The following ASTN1 variants were observed in gnomAD, a reference collection of about 807,000 sequenced individuals.
ASTN1 encodes the protein astrotactin 1.
Under a neutral mutation model 140.7 loss-of-function variants are expected in ASTN1, and 41 were observed. The ratio of observed to expected loss-of-function variants is 0.29; its 90% confidence interval spans 0.23 to 0.38. The LOEUF (loss-of-function observed/expected upper bound fraction) is 0.38. Among genes scored for constraint, ASTN1 ranks in the 10% least tolerant of loss-of-function variants. ASTN1 has a pLI of 1.00. For missense variants in ASTN1, 1,479 were observed against 1,678.8 expected (o/e 0.88, Z 2.08); for synonymous variants, 640 against 652.2 (o/e 0.98, Z 0.29).
intron 8 of ASTN1, among the ~76,000 whole-genome samples, chr1:177,005,423 A>G (rs1674943998): frequency 6.6e-6 from 1 of 152,198 alleles, no homozygotes; most frequent in Non-Finnish European, 1.5e-5. Context: ...ATGGAAATTT[A>G]TCAAAGAATT....
At chr1:177,083,045 A>G (rs772788463) in intron 1 of ASTN1, among the ~76,000 whole-genome samples, 6 of 152,170 alleles carry the variant, frequency 3.9e-5, no homozygotes, top group Non-Finnish European at 8.8e-5. Context: ...GTATACTGTC[A>G]GTTTCTCATT....
intron 16 of ASTN1, among the ~76,000 whole-genome samples, chr1:176,907,194 A>C (rs12732567): frequency 0.045 from 6,834 of 152,226 alleles, 168 homozygotes; most frequent in African/African-American, 0.069. Flanking sequence ...TTTATCAGGC[A>C]CTCCAAGTGA....
chr1:176,982,991 A>T (rs1429823006), intron 8 of ASTN1, among the ~76,000 whole-genome samples: 6 of 152,096 alleles, frequency 3.9e-5, no homozygotes, highest in Non-Finnish European at 7.4e-5. Flanking sequence ...TTGAGGGGGG[A>T]TTTGCAAAAG....
chr1:177,102,028 A>G (rs1204811972), intron 1 of ASTN1, among the ~76,000 whole-genome samples: 1 of 152,214 alleles, frequency 6.6e-6, no homozygotes, highest in African/African-American at 2.4e-5. Context: ...GTCATTTTCA[A>G]ATTGATTGCT....
chr1:177,094,957 T>C (rs1313609418), intron 1 of ASTN1, among the ~76,000 whole-genome samples: 1 of 152,134 alleles, frequency 6.6e-6, no homozygotes, highest in African/African-American at 2.4e-5. Flanking sequence ...AGGTCTCAAA[T>C]AGAAATGAGA....
At chr1:176,901,542 A>G (rs1669766472) in intron 16 of ASTN1, among the ~76,000 whole-genome samples, 1 of 152,202 alleles carries the variant, frequency 6.6e-6, no homozygotes, top group South Asian at 2.1e-4. Flanking sequence ...AAGTACTTGC[A>G]GTCATACTGG....
intron 1 of ASTN1, among the ~76,000 whole-genome samples, chr1:177,106,405 C>A (rs1680545374): frequency 6.6e-6 from 1 of 152,112 alleles, no homozygotes; most frequent in African/African-American, 2.4e-5. Flanking sequence ...CCCAGATATT[C>A]TATTTTGTAA....
chr1:177,044,635 T>A (rs1677135540), intron 2 of ASTN1, among the ~76,000 whole-genome samples: 1 of 152,228 alleles, frequency 6.6e-6, no homozygotes, highest in South Asian at 2.1e-4. Context: ...TTTGATTTGC[T>A]GATGAGTGGC....
chr1:177,144,581 G>C (rs1273906229), intron 1 of ASTN1, among the ~76,000 whole-genome samples: 2 of 147,244 alleles, frequency 1.4e-5, no homozygotes, highest in South Asian at 4.5e-4. Flanking sequence ...AGTTATCTCT[G>C]AGCTTGTTTA....
chr1:177,052,500 A>G (rs1677589676), intron 2 of ASTN1, among the ~76,000 whole-genome samples: 1 of 152,214 alleles, frequency 6.6e-6, no homozygotes, highest in Admixed American at 6.5e-5. Flanking sequence ...CAACAAAAAG[A>G]TCGAGTAAAT....
chr1:177,100,912 G>GT (rs1680269979), intron 1 of ASTN1, among the ~76,000 whole-genome samples: 6 of 152,088 alleles, frequency 3.9e-5, no homozygotes, highest in Admixed American at 3.9e-4. Context: ...GGCCAACATG[G>GT]TAAAACTCCG....
chr1:176,982,347 C>T (rs981110039), intron 8 of ASTN1, among the ~76,000 whole-genome samples: 1 of 152,146 alleles, frequency 6.6e-6, no homozygotes, highest in Non-Finnish European at 1.5e-5. Flanking sequence ...GAAGGGAATG[C>T]CTTTATGGTC....
At chr1:176,948,919 T>C (rs1033402551) in intron 12 of ASTN1, among the ~76,000 whole-genome samples, 1 of 152,210 alleles carries the variant, frequency 6.6e-6, no homozygotes, top group Admixed American at 6.5e-5. Flanking sequence ...AAGTAAACCA[T>C]GTAGTTAACT....
chr1:176,867,786 T>C (rs1668178498), intron 22 of ASTN1, among the ~76,000 whole-genome samples: 1 of 152,228 alleles, frequency 6.6e-6, no homozygotes, highest in Non-Finnish European at 1.5e-5. Flanking sequence ...CAAATGAGGA[T>C]GATTCTCTCT....
chr1:177,103,749 G>A (rs913284244), intron 1 of ASTN1, among the ~76,000 whole-genome samples: 3 of 151,988 alleles, frequency 2.0e-5, no homozygotes, highest in African/African-American at 7.3e-5. Context: ...TACAGTCCTC[G>A]AACCAGCCCC....
At chr1:176,982,988 G>T (rs938542769) in intron 8 of ASTN1, among the ~76,000 whole-genome samples, 1 of 152,146 alleles carries the variant, frequency 6.6e-6, no homozygotes, top group African/African-American at 2.4e-5. Flanking sequence ...TGATTGAGGG[G>T]GGATTTGCAA....
In ASTN1 at chr1:177,004,294, C is replaced by T. The variant is rs569157798; in HGVS notation, c.1523+10497G>A. Among the ~76,000 whole-genome samples, 38 of 151,896 alleles carry T rather than the reference C, an allele frequency of 2.5e-4. No homozygotes were observed. In the South Asian group the frequency reaches 7.9e-3, roughly 32 times the overall value. On this transcript the variant is annotated intron_variant, in intron 8 of 22. Transcript: ENST00000361833. ...AAAGATCTCTACAGGGAGAACTCTA[C>T]AAAACACTGCTAAAAGAAATCATAC...
In ASTN1 at chr1:176,864,355, G is replaced by A; in HGVS notation, c.3814C>T (p.Leu1272Phe). ...GLDWAELSRD[L>F]RKTCEEQTLS... ...GTCTGCTCCTCACACGTCTTCCTGAGGTCCCGGCTGAGCTCCGCCCAGTCA... is the reference window on the plus strand; with the variant it reads ...GTCTGCTCCTCACACGTCTTCCTGAAGTCCCGGCTGAGCTCCGCCCAGTCA... The change falls in exon 23 of 23, where the codon CTC becomes TTC. Residue 1272 changes from leucine to phenylalanine, a missense_variant. By Grantham distance (22) the Leu-to-Phe change is conservative. This residue lies in a region of ASTN1 where 746 missense variants were observed against 800.9 expected (regional missense o/e 0.93). Coordinates refer to ENST00000361833, the MANE Select transcript of ASTN1 (RefSeq NM_004319.3). 1 of 1,614,130 alleles carries A rather than the reference G, an allele frequency of 6.2e-7. No homozygotes were observed.
chr1:177,005,279 C>G (rs970186688), intron 8 of ASTN1, among the ~76,000 whole-genome samples: 2 of 151,978 alleles, frequency 1.3e-5, no homozygotes, highest in Admixed American at 6.6e-5. Flanking sequence ...AATGAGATAC[C>G]ATTTTACCCC....
Sources: gnomAD v4.1 joint callset for allele counts (sites outside exome capture counted in the v4.1 genomes callset) on GRCh38, gnomAD v4.1.1 for gene constraint, gnomAD v4.1.1 regional missense constraint, MANE v1.5 for transcripts, NCBI Gene and HGNC (gene_info 2026-07-23, HGNC 2026-07-21) for gene names.